HPD: variants seen among roughly 807,000 people sequenced by gnomAD.
HPD encodes 4-hydroxyphenylpyruvate dioxygenase, also known as 4-hydroxyphenylpyruvic acid oxidase.
HPD carries 35 observed loss-of-function variants against 56.9 expected under a neutral mutation model. That is an observed-to-expected ratio of 0.62 (90% CI 0.47 to 0.82). HPD has a LOEUF of 0.82. Ranked by LOEUF, HPD falls within the 40% of genes least tolerant of loss-of-function variation. The probability of loss-of-function intolerance (pLI) is 0.00; values close to 1 mark genes in which losing one functional copy is unlikely to be tolerated. For missense variants in HPD, 442 were observed against 506.8 expected (o/e 0.87, Z 1.23); for synonymous variants, 186 against 200.2 (o/e 0.93, Z 0.60).
chr12:121,860,484 G>A (rs144096982), upstream of HPD, among the ~76,000 whole-genome samples: 60 of 152,314 alleles, frequency 3.9e-4, no homozygotes, highest in African/African-American at 1.4e-3. Context: ...TCCCATGCTG[G>A]GTGCACCCCT....
At position 121,857,256 on chromosome 12, in the gene HPD, T is replaced by A; in HGVS notation, c.198+72A>T. 5.8e-6 allele frequency: 6 copies of A among 1,029,332 alleles called. No homozygotes were observed. The South Asian group carries it at 7.5e-5, about 13-fold the overall frequency. The allele number at this position is 1,029,332 out of a possible 1,614,324, so 63.8% of individuals were successfully genotyped here. On this transcript the variant is annotated intron_variant, in intron 4 of 13. Transcript: ENST00000289004. ...CATCATGCCCAGCTAATTTTTCTAT[T>A]TTTAATAGAGATGGGGTTTCACCAT...
Position 121,839,816 on chromosome 12 carries a change from T to G in HPD, c.1094A>C (p.Asn365Thr). The G allele has an allele frequency of 6.2e-7, 1 of 1,614,090 alleles. No homozygotes were observed. Among genetic ancestry groups the G allele is most frequent in the Non-Finnish European group, 8.5e-7 (1 of 1,180,000 alleles). The change falls in exon 14 of 14, where the codon AAC (asparagine) becomes ACC (threonine). Residue 365 changes from asparagine to threonine, a missense_variant. Transcript: ENST00000289004. ...CTCCTCGAAAGCCTTGAACAGTGAGTTGAAGTTGCCGGCTCCAAAACCCTG... is the reference window on the plus strand; with the variant it reads ...CTCCTCGAAAGCCTTGAACAGTGAGGTGAAGTTGCCGGCTCCAAAACCCTG... The part of the protein sequence containing the change: ...NHQGFGAGNF[N>T]SLFKAFEEEQ...
At position 121,847,038 on chromosome 12, in the gene HPD, A is replaced by G; in HGVS notation, c.759+14T>C. The G allele has an allele frequency of 6.2e-7, 1 of 1,614,102 alleles. No homozygotes were observed. The highest frequency in any genetic ancestry group is 1.3e-5 in the African/African-American group (1 of 75,028). The stretch of plus-strand genomic sequence containing the variant: ...TTCCCTGCTCCCCTCTCCCCCAGCC[A>G]GGGGCGGCCTCACCTGGATCTGGGA... On this transcript the variant is annotated intron_variant, in intron 10 of 13. Transcript: ENST00000289004.
At chr12:121,849,350 C>T (rs964044989) in intron 8 of HPD, among the ~76,000 whole-genome samples, 3 of 152,054 alleles carry the variant, frequency 2.0e-5, no homozygotes, top group African/African-American at 7.2e-5. Flanking sequence ...GTAGCATTTA[C>T]TAATGGGCCG....
At chr12:121,882,521 C>T in the HPD span, among the ~76,000 whole-genome samples, 2 of 152,260 alleles carry the variant, frequency 1.3e-5, no homozygotes, top group South Asian at 4.1e-4. Flanking sequence ...AAAGACAGCT[C>T]TCTCAGACTG....
At chr12:121,885,442 C>T in the HPD span, among the ~76,000 whole-genome samples, 2 of 151,972 alleles carry the variant, frequency 1.3e-5, no homozygotes, top group Admixed American at 6.6e-5. Flanking sequence ...CCTTGTGATC[C>T]GCCCACCTCG....
In HPD at chr12:121,856,193, T is replaced by C. The variant is rs1877988798; in HGVS notation, c.324+131A>G. ...GGGCTTGTCACTGTGATGCAGCATC[T>C]GAGCTTGTCACTGTGATGTGGCATC... On this transcript the variant is annotated intron_variant, in intron 6 of 13. Transcript: ENST00000289004. 5.2e-6 allele frequency: 4 copies of C among 762,402 alleles called. No individual in the cohort carries two copies. The South Asian group carries it at 5.7e-5, about 11-fold the overall frequency. 47.2% of individuals were successfully genotyped at this position (762,402 alleles called of 1,614,324 possible). A position where few individuals can be genotyped will look rare whatever the true frequency, so the allele number is the denominator to read the frequency against.
chr12:121,870,890 C>A, the HPD span, among the ~76,000 whole-genome samples: 2 of 151,898 alleles, frequency 1.3e-5, no homozygotes, highest in Non-Finnish European at 2.9e-5. Flanking sequence ...GCCACCGCAC[C>A]CGGCCTATTG....
the HPD span, among the ~76,000 whole-genome samples, chr12:121,886,265 T>C: frequency 2.0e-5 from 3 of 151,706 alleles, no homozygotes; most frequent in Admixed American, 1.3e-4. Context: ...CGTGCCACCA[T>C]GCCCGGCTAA....
At chr12:121,842,425 C>T (rs142792537) in intron 12 of HPD, among the ~76,000 whole-genome samples, 45 of 152,098 alleles carry the variant, frequency 3.0e-4, no homozygotes, top group Non-Finnish European at 5.6e-4. Flanking sequence ...GCCACTGTGT[C>T]TGGCCTAACT....
chr12:121,888,587 C>T, the HPD span: 2 of 483,158 alleles, frequency 4.1e-6, no homozygotes, highest in Non-Finnish European at 7.6e-6. Context: ...CGAGATCATC[C>T]CCTAGCGTTG....
intron 12 of HPD, among the ~76,000 whole-genome samples, 154 bp from the exon 13 acceptor site, chr12:121,840,202 T>C (rs1219460927): frequency 1.3e-5 from 2 of 152,192 alleles, no homozygotes; most frequent in African/African-American, 4.8e-5. Context: ...GTCCTATTAC[T>C]ATCCCCCTAC....
chr12:121,871,794 T>C, the HPD span, among the ~76,000 whole-genome samples: 4 of 152,100 alleles, frequency 2.6e-5, no homozygotes, highest in Non-Finnish European at 5.9e-5. Context: ...GGGCCACTCC[T>C]GGCATCCTCT....
At chr12:121,849,107 G>C in intron 8 of HPD, 31 bp from the exon 9 acceptor site, 1 of 1,463,642 alleles carries the variant, frequency 6.8e-7, no homozygotes, top group Non-Finnish European at 9.6e-7. Context: ...GGGTGAGAAG[G>C]TGGCTACCCC....
rs1371011714 is a variant in HPD, at chr12:121,858,718, G to C, written c.4-5C>G. On this transcript the variant is annotated splice_region_variant and splice_polypyrimidine_tract_variant and intron_variant, in intron 1 of 13. Transcript: ENST00000289004. ...CCCTTTGTCACTGTAAGTCGTCTAA[G>C]GAGAAAAAGAAGGACAGTGAGACTT... The C allele has an allele frequency of 3.1e-6, 5 of 1,614,028 alleles. No homozygotes were observed. The highest frequency in any genetic ancestry group is 1.3e-5 in the African/African-American group (1 of 74,914).
At chr12:121,857,202 C>T in intron 4 of HPD, 126 bp downstream of exon 4, 1 of 707,428 alleles carries the variant, frequency 1.4e-6, no homozygotes, top group South Asian at 1.5e-5. Flanking sequence ...GCCTCAGCCT[C>T]CTGAGTAGCT....
the HPD span, among the ~76,000 whole-genome samples, chr12:121,886,821 GT>G: frequency 6.6e-6 from 1 of 152,106 alleles, no homozygotes; most frequent in African/African-American, 2.4e-5. Context: ...TAAAGCTGCT[GT>G]TTCTCATTAA....
At chr12:121,869,325 G>A in the HPD span, among the ~76,000 whole-genome samples, 3 of 146,202 alleles carry the variant, frequency 2.1e-5, no homozygotes, top group Non-Finnish European at 4.5e-5. Context: ...CCTCCAGCCT[G>A]GGTGACAAGA....
At chr12:121,849,821 C>T (rs747761046) in intron 7 of HPD, 31 bp from the exon 8 acceptor site, 17 of 1,468,216 alleles carry the variant, frequency 1.2e-5, no homozygotes, top group Admixed American at 5.1e-5. Context: ...GGCTCGGCCC[C>T]TGGGCACCCA....
Sources: allele counts gnomAD v4.1 joint callset (sites outside exome capture counted in the v4.1 genomes callset), GRCh38; gene constraint gnomAD v4.1.1; transcripts MANE v1.5; gene names NCBI Gene and HGNC (gene_info 2026-07-23, HGNC 2026-07-21).